The following RAPGEF6 variants were observed in gnomAD, a reference collection of about 807,000 sequenced individuals.
The protein encoded by RAPGEF6 is PDZ domain containing guanine nucleotide exchange factor (GEF) 2.
In RAPGEF6, 56 loss-of-function variants were observed where a neutral mutation model predicts 171.4. The observed-to-expected ratio is 0.33, with a 90% CI of 0.26 to 0.41. The LOEUF is 0.41. RAPGEF6 is among the 10% of genes least tolerant of loss of function. The pLI, the probability that RAPGEF6 is intolerant of heterozygous loss-of-function variation, is 1.00. For synonymous variants in RAPGEF6, 692 were observed against 650.1 expected, an observed-to-expected ratio of 1.06 and a Z score of -0.98; for missense variants, 1,674 against 1,921.4, an observed-to-expected ratio of 0.87 and a Z score of 2.41.
intron 15 of RAPGEF6, among the ~76,000 whole-genome samples, chr5:131,487,711 A>G (rs1325805631): frequency 6.6e-6 from 1 of 152,186 alleles, no homozygotes; most frequent in Admixed American, 6.5e-5. Context: ...TGACCCAGGA[A>G]GTCCAGCTGG....
In RAPGEF6 at chr5:131,431,160, C is replaced by A. The variant is rs754049684; in HGVS notation, c.4164G>T (p.Leu1388Phe). The A allele has an allele frequency of 6.2e-7, 1 of 1,614,114 alleles. No individual in the cohort carries two copies. The highest frequency in any genetic ancestry group is 1.7e-5 in the Admixed American group (1 of 60,004). ...CCAAATGGGTATGTCTGTAAGAGTT[C>A]AAAAAATCCCAGCTTTTTGGGTTTG... ...SLPNPKSWDF[L>F]NSYRHTHLDD... is the part of the protein sequence containing the mutation. The change falls in exon 26 of 28, where the codon TTG becomes TTT. Residue 1388 changes from leucine to phenylalanine, a missense_variant. Leu to Phe is a conservative substitution (Grantham distance 22). This residue lies in a region of RAPGEF6 where 552 missense variants were observed against 574.2 expected (regional missense o/e 0.96). Coordinates refer to ENST00000509018, the MANE Select transcript of RAPGEF6 (RefSeq NM_016340.6).
chr5:131,506,915 T>C (rs1757405713), intron 9 of RAPGEF6, among the ~76,000 whole-genome samples: 2 of 151,764 alleles, frequency 1.3e-5, no homozygotes, highest in Non-Finnish European at 2.9e-5. Context: ...AAATTAATAC[T>C]ATATTCATTT....
At chr5:131,484,465 T>C (rs1484046119) in intron 15 of RAPGEF6, among the ~76,000 whole-genome samples, 1 of 152,076 alleles carries the variant, frequency 6.6e-6, no homozygotes, top group African/African-American at 2.4e-5. Flanking sequence ...TCTGCCTGCC[T>C]GGGCCTCCCA....
intron 19 of RAPGEF6, among the ~76,000 whole-genome samples, chr5:131,458,143 C>T (rs6881486): frequency 0.36 from 55,132 of 151,958 alleles, 11,770 homozygotes; most frequent in African/African-American, 0.6. Flanking sequence ...ACTATAAAAA[C>T]TGATATGGTT....
At chr5:131,444,543 T>C (rs911185469) in intron 22 of RAPGEF6, among the ~76,000 whole-genome samples, 3 of 152,156 alleles carry the variant, frequency 2.0e-5, no homozygotes, top group African/African-American at 7.2e-5. Context: ...TAGTGACTAT[T>C]TAAACATTTA....
At chr5:131,465,104 G>A (rs545279824) in intron 17 of RAPGEF6, among the ~76,000 whole-genome samples, 4 of 151,782 alleles carry the variant, frequency 2.6e-5, no homozygotes, top group African/African-American at 9.7e-5. Flanking sequence ...TTTTCCTGCT[G>A]TATTGTAGTA....
chr5:131,426,421 C>T lies in RAPGEF6; in HGVS notation c.*845G>A, dbSNP rs763627117. On this transcript the variant is annotated 3_prime_UTR_variant, in exon 28 of 28. Transcript: ENST00000509018. ...TGGATCTATACTTTCAGTTACAATT[C>T]GATGCAGCATAACTTTCACTTAAGG... 2.0e-5 allele frequency: 3 copies of T among 152,282 alleles called. No homozygotes were observed. The highest frequency in any genetic ancestry group is 4.8e-5 in the African/African-American group (2 of 41,430). 9.4% of individuals were successfully genotyped at this position (152,282 alleles called of 1,614,324 possible). A position where few individuals can be genotyped will look rare whatever the true frequency, so the allele number is the denominator to read the frequency against.
intron 6 of RAPGEF6, among the ~76,000 whole-genome samples, chr5:131,528,353 A>C (rs1252549021): frequency 1.9e-5 from 2 of 106,892 alleles, no homozygotes; most frequent in Admixed American, 1.1e-4. Flanking sequence ...ACACACACAC[A>C]TATATATATA....
At chr5:131,605,721 C>T (rs767886320) in intron 1 of RAPGEF6, among the ~76,000 whole-genome samples, 8 of 151,854 alleles carry the variant, frequency 5.3e-5, no homozygotes, top group East Asian at 1.9e-4. Flanking sequence ...TAAGACAACA[C>T]GGAGCCATTA....
chr5:131,466,313 A>G (rs1580868833), intron 17 of RAPGEF6, among the ~76,000 whole-genome samples: 2 of 151,646 alleles, frequency 1.3e-5, no homozygotes, highest in African/African-American at 2.4e-5. Flanking sequence ...TGAGTCATCA[A>G]ATGCATCTTG....
At chr5:131,427,888 G>A (rs1751467543) in intron 27 of RAPGEF6, among the ~76,000 whole-genome samples, 1 of 152,132 alleles carries the variant, frequency 6.6e-6, no homozygotes, top group Non-Finnish European at 1.5e-5. Flanking sequence ...CTGGCAGATT[G>A]CTTGAGTCCA....
chr5:131,596,619 T>C (rs1448302537), intron 3 of RAPGEF6, among the ~76,000 whole-genome samples: 4 of 151,910 alleles, frequency 2.6e-5, no homozygotes, highest in South Asian at 2.1e-4. Context: ...AGAATGGATA[T>C]CCCAGAATTA....
At chr5:131,621,079 T>C (rs912284204) in intron 1 of RAPGEF6, among the ~76,000 whole-genome samples, 3 of 152,224 alleles carry the variant, frequency 2.0e-5, no homozygotes, top group Admixed American at 1.3e-4. Context: ...ATACCATACG[T>C]ATCCTGTGGC....
chr5:131,447,749 C>T (rs1381063912), intron 21 of RAPGEF6, among the ~76,000 whole-genome samples: 1 of 152,148 alleles, frequency 6.6e-6, no homozygotes, highest in Non-Finnish European at 1.5e-5. Flanking sequence ...AATCCTAATG[C>T]TTTCATTGTA....
At chr5:131,437,566 A>G (rs1219539331) in intron 24 of RAPGEF6, among the ~76,000 whole-genome samples, 1 of 152,246 alleles carries the variant, frequency 6.6e-6, no homozygotes, top group Non-Finnish European at 1.5e-5. Flanking sequence ...TAAGGGGCGC[A>G]TTGGATAGGA....
At chr5:131,503,386 G>A (rs1464217076) in intron 11 of RAPGEF6, among the ~76,000 whole-genome samples, 1 of 152,110 alleles carries the variant, frequency 6.6e-6, no homozygotes, top group Non-Finnish European at 1.5e-5. Flanking sequence ...AAACACATGA[G>A]TCCTCACAAA....
chr5:131,492,897 G>A, intron 13 of RAPGEF6, 112 bp from the exon 14 acceptor site: 1 of 1,052,404 alleles, frequency 9.5e-7, no homozygotes, highest in Non-Finnish European at 1.4e-6. Context: ...TATAAGCTGA[G>A]GTAAACAAAA....
chr5:131,528,314 TA>T lies in RAPGEF6; in HGVS notation c.496-6794del, dbSNP rs1561538248. On this transcript the variant is annotated intron_variant, in intron 6 of 27. Coordinates refer to ENST00000509018, the MANE Select transcript of RAPGEF6 (RefSeq NM_016340.6). ...ATAAAATAAAATAATATATTTATAT[TA>T]TATATATATATATATATATATATAC... 2.7e-3 allele frequency among the ~76,000 whole-genome samples: 8 copies of T among 2,996 alleles called. 1 individual carries two copies. Among genetic ancestry groups the T allele is most frequent in the African/African-American group, 6.2e-3 (6 of 968 alleles). 2.0% of individuals were successfully genotyped at this position (2,996 alleles called of 152,430 possible).
intron 3 of RAPGEF6, among the ~76,000 whole-genome samples, chr5:131,595,154 T>C (rs1192694738): frequency 6.6e-6 from 1 of 152,152 alleles, no homozygotes; most frequent in Non-Finnish European, 1.5e-5. Context: ...TCCTCATGTG[T>C]CAGGGGAGGG....
Sources: gnomAD v4.1 joint callset for allele counts (sites outside exome capture counted in the v4.1 genomes callset) on GRCh38, gnomAD v4.1.1 for gene constraint, gnomAD v4.1.1 regional missense constraint, MANE v1.5 for transcripts, NCBI Gene and HGNC (gene_info 2026-07-23, HGNC 2026-07-21) for gene names.